The following ZNF404 variants were observed in gnomAD, a reference collection of about 807,000 sequenced individuals.
The protein encoded by ZNF404 is zinc finger protein 404.
ZNF404 carries 7 observed loss-of-function variants against 7.3 expected under a neutral mutation model. The observed-to-expected ratio is 0.95, with a 90% CI of 0.54 to 1.79. ZNF404 has a LOEUF of 1.79. ZNF404 is among the 40% of genes most tolerant of loss of function. The probability of loss-of-function intolerance (pLI) is 0.00; values close to 1 mark genes in which losing one functional copy is unlikely to be tolerated. For missense variants in ZNF404, 560 were observed against 661.5 expected, an observed-to-expected ratio of 0.85 and a Z score of 1.68; for synonymous variants, 191 against 209.9, an observed-to-expected ratio of 0.91 and a Z score of 0.78.
At chr19:43,879,342 G>A (rs1169306939) in intron 2 of ZNF404, among the ~76,000 whole-genome samples, 1 of 152,176 alleles carries the variant, frequency 6.6e-6, no homozygotes, top group Non-Finnish European at 1.5e-5. Context: ...GAAAAATAGA[G>A]GGGAAAGAGA....
chr19:43,876,415 A>C (rs1971850539), intron 2 of ZNF404, among the ~76,000 whole-genome samples: 1 of 152,156 alleles, frequency 6.6e-6, no homozygotes, highest in South Asian at 2.1e-4. Context: ...TTTAAATAAA[A>C]CAGTAGAATT....
Sources: allele counts gnomAD v4.1 joint callset (sites outside exome capture counted in the v4.1 genomes callset), GRCh38; gene constraint gnomAD v4.1.1; transcripts MANE v1.5; gene names NCBI Gene and HGNC (gene_info 2026-07-23, HGNC 2026-07-21).